The following UNC13C variants were observed in gnomAD, a reference collection of about 807,000 sequenced individuals.
The protein encoded by UNC13C is protein unc-13 homolog C.
UNC13C carries 174 observed loss-of-function variants against 245.4 expected under a neutral mutation model. That is an observed-to-expected ratio of 0.71 (90% CI 0.63 to 0.80). The LOEUF is 0.80. Ranked by LOEUF, UNC13C falls within the 30% of genes least tolerant of loss-of-function variation. The pLI, the probability that UNC13C is intolerant of heterozygous loss-of-function variation, is 0.00. For synonymous variants in UNC13C, 992 were observed against 895.1 expected (o/e 1.11, Z -1.93); for missense variants, 2,829 against 2,602.9 (o/e 1.09, Z -1.89).
intron 19 of UNC13C, among the ~76,000 whole-genome samples, chr15:54,469,025 G>A (rs964028526): frequency 6.6e-6 from 1 of 151,542 alleles, no homozygotes; most frequent in African/African-American, 2.4e-5. Flanking sequence ...ATTGATTTTA[G>A]CACTATGGAC....
chr15:54,188,181 C>T (rs78643728), intron 4 of UNC13C, among the ~76,000 whole-genome samples: 1,794 of 152,092 alleles, frequency 0.012, 32 homozygotes, highest in African/African-American at 0.041. Context: ...TGGTACATAA[C>T]GGGATTGAAT....
chr15:53,962,418 G>A, the UNC13C span, among the ~76,000 whole-genome samples: 67 of 151,894 alleles, frequency 4.4e-4, no homozygotes, highest in African/African-American at 1.5e-3. Flanking sequence ...CTCATTATAC[G>A]GTTATGATTT....
intron 30 of UNC13C, among the ~76,000 whole-genome samples, chr15:54,604,046 C>T (rs2141277133): frequency 6.6e-6 from 1 of 152,228 alleles, no homozygotes; most frequent in Non-Finnish European, 1.5e-5. Context: ...ACACGGTTTT[C>T]CAGGCCTTGA....
At chr15:53,969,871 C>T in the UNC13C span, among the ~76,000 whole-genome samples, 6 of 151,924 alleles carry the variant, frequency 3.9e-5, no homozygotes, top group Non-Finnish European at 7.4e-5. Context: ...TTTCTGTTTT[C>T]CCCCTCCCCT....
At chr15:54,294,643 C>G (rs2037384012) in intron 11 of UNC13C, among the ~76,000 whole-genome samples, 2 of 151,960 alleles carry the variant, frequency 1.3e-5, no homozygotes, top group African/African-American at 4.8e-5. Flanking sequence ...TTAACTTTTA[C>G]TAGAATAAAA....
At chr15:54,067,128 G>T (rs777707740) in intron 2 of UNC13C, among the ~76,000 whole-genome samples, 3 of 151,990 alleles carry the variant, frequency 2.0e-5, no homozygotes, top group Non-Finnish European at 2.9e-5. Flanking sequence ...TGTTTGGTTC[G>T]ATTTGATGAC....
chr15:54,170,007 TTAAACATCGCTATATTC>T (rs2033332668), intron 4 of UNC13C, among the ~76,000 whole-genome samples: 1 of 90,296 alleles, frequency 1.1e-5, no homozygotes, highest in Non-Finnish European at 2.5e-5. Context: ...TTTTTTTTTT[TTAAACATCGCTATATTC>T]TTAAACCTAT....
chr15:53,928,513 G>A, the UNC13C span, among the ~76,000 whole-genome samples: 1 of 152,150 alleles, frequency 6.6e-6, no homozygotes, highest in Admixed American at 6.5e-5. Context: ...CAGAGATTTT[G>A]TTTATGGCCA....
At chr15:54,266,100 T>TA (rs2036543684) in intron 10 of UNC13C, among the ~76,000 whole-genome samples, 1 of 152,032 alleles carries the variant, frequency 6.6e-6, no homozygotes, top group Non-Finnish European at 1.5e-5. Context: ...TTGGTAGAAG[T>TA]AAAAATTCCT....
intron 10 of UNC13C, among the ~76,000 whole-genome samples, chr15:54,289,832 T>C (rs147238712): frequency 4.6e-5 from 7 of 152,132 alleles, no homozygotes; most frequent in Non-Finnish European, 1.0e-4. Context: ...TCCCATGATA[T>C]GGGCACTGTA....
intron 4 of UNC13C, among the ~76,000 whole-genome samples, chr15:54,153,094 A>G (rs1227877891): frequency 6.6e-6 from 1 of 152,150 alleles, no homozygotes; most frequent in Non-Finnish European, 1.5e-5. Context: ...TCTTATTTAA[A>G]GCAACAAGTT....
intron 2 of UNC13C, among the ~76,000 whole-genome samples, chr15:54,037,493 C>G (rs1379822318): frequency 6.6e-6 from 1 of 152,116 alleles, no homozygotes; most frequent in Non-Finnish European, 1.5e-5. Context: ...TAAGTGATTA[C>G]AAGGCCAATA....
In UNC13C at chr15:54,302,612, G is replaced by A. The variant is rs150353120; in HGVS notation, c.4268+2239G>A. ...GATCAGATAGTTGTAGATGTGTGGC[G>A]TTATTACTGAGGCCTCTGTTCTGTT... is the stretch of plus-strand genomic sequence containing the variant. On this transcript the variant is annotated intron_variant, in intron 13 of 32. Coordinates refer to ENST00000260323, the MANE Select transcript of UNC13C (RefSeq NM_001080534.3). 3.1e-3 allele frequency among the ~76,000 whole-genome samples: 469 copies of A among 152,114 alleles called. 15 individuals are homozygous for A. The East Asian group carries it at 0.065, about 21-fold the overall frequency.
intron 4 of UNC13C, among the ~76,000 whole-genome samples, chr15:54,189,714 G>T (rs1394570126): frequency 1.3e-5 from 2 of 152,104 alleles, no homozygotes; most frequent in Admixed American, 6.6e-5. Context: ...GTAAGAAGTT[G>T]CCTGGTCATG....
chr15:54,578,569 G>A (rs948125011), intron 30 of UNC13C, among the ~76,000 whole-genome samples: 1 of 152,290 alleles, frequency 6.6e-6, no homozygotes, highest in South Asian at 2.1e-4. Flanking sequence ...AAAAGCACTT[G>A]ACATTTGTTT....
Position 54,322,019 on chromosome 15 carries a change from C to G in UNC13C, c.4349C>G (p.Ala1450Gly). ...VMSTLLANIN[A>G]FYAHTTVSTN... ...AGCACCTTGCTGGCTAATATAAATG[C>G]TTTTTATGCTCACACAACAGTTTCA... The change falls in exon 14 of 33, where the codon GCT becomes GGT. Residue 1450 changes from alanine (A) to glycine (G), a missense_variant. Physicochemically the swap from Ala to Gly is moderately conservative, Grantham distance 60. Transcript: ENST00000260323. The G allele has an allele frequency of 1.9e-6, 3 of 1,589,038 alleles. No individual in the cohort carries two copies. The highest frequency in any genetic ancestry group is 2.6e-6 in the Non-Finnish European group (3 of 1,166,258).
intron 24 of UNC13C, among the ~76,000 whole-genome samples, chr15:54,524,629 C>G (rs961868765): frequency 3.3e-5 from 5 of 152,012 alleles, no homozygotes; most frequent in Admixed American, 6.6e-5. Context: ...TCCAATGCAC[C>G]CTCATAGGGA....
chr15:54,087,319 C>T (rs1899301639), intron 2 of UNC13C, among the ~76,000 whole-genome samples: 1 of 152,094 alleles, frequency 6.6e-6, no homozygotes, highest in East Asian at 1.9e-4. Context: ...ATATCAGTGG[C>T]AGATGGATTT....
chr15:53,850,446 A>T, the UNC13C span, among the ~76,000 whole-genome samples: 1 of 152,094 alleles, frequency 6.6e-6, no homozygotes, highest in Non-Finnish European at 1.5e-5. Context: ...ATTTTCATTA[A>T]TTAAAAATAT....
Sources: allele counts gnomAD v4.1 joint callset (sites outside exome capture counted in the v4.1 genomes callset), GRCh38; gene constraint gnomAD v4.1.1; transcripts MANE v1.5; gene names NCBI Gene and HGNC (gene_info 2026-07-23, HGNC 2026-07-21).